Variants in DLD observed in about 807,000 individuals in gnomAD.
DLD encodes the protein dihydrolipoamide dehydrogenase.
DLD carries 36 observed loss-of-function variants against 62.2 expected under a neutral mutation model. That is an observed-to-expected ratio of 0.58 (90% CI 0.44 to 0.76). DLD has a LOEUF of 0.76. DLD is among the 30% of genes least tolerant of loss of function. The probability of loss-of-function intolerance (pLI) is 0.00; values close to 1 mark genes in which losing one functional copy is unlikely to be tolerated. For synonymous variants in DLD, 204 were observed against 199.6 expected, an observed-to-expected ratio of 1.02 and a Z score of -0.19; for missense variants, 541 against 608.6, an observed-to-expected ratio of 0.89 and a Z score of 1.17.
At position 107,915,517 on chromosome 7, in the gene DLD, G is replaced by A; in HGVS notation, c.696G>A (p.Trp232Ter). The A allele has an allele frequency of 6.2e-7, 1 of 1,613,742 alleles. No individual in the cohort carries two copies. The highest frequency in any genetic ancestry group is 8.5e-7 in the Non-Finnish European group (1 of 1,179,852). ...TAATTTATTTGCAGGGTTCAGTTTG[G>A]CAAAGACTTGGTGCAGATGTGACAG... ...GVIGVELGSV[W>*]QRLGADVTAV... The change falls in exon 9 of 14, where the codon TGG becomes TGA. Residue 232 changes from tryptophan to a stop codon, truncating the protein, a stop_gained. Coordinates refer to ENST00000205402, the MANE Select transcript of DLD (RefSeq NM_000108.5). LOFTEE classifies it high-confidence loss of function.
At chr7:107,895,500 A>T (rs1005717377) in intron 2 of DLD, among the ~76,000 whole-genome samples, 2 of 152,192 alleles carry the variant, frequency 1.3e-5, no homozygotes, top group African/African-American at 4.8e-5. Flanking sequence ...TACAGCACTT[A>T]TATCACTCAC....
Position 107,903,539 on chromosome 7 carries a change from G to T in DLD, c.329G>T (p.Gly110Val). 2 of 1,586,582 alleles carry T rather than the reference G, an allele frequency of 1.3e-6. No homozygotes were observed. The highest frequency in any genetic ancestry group is 1.7e-6 in the Non-Finnish European group (2 of 1,155,934). ...CATGGAAAAGATTTTGCATCTAGAGGAATTGAAAGTAAGTATACTTTTCAT... is the reference window on the plus strand; with the variant it reads ...CATGGAAAAGATTTTGCATCTAGAGTAATTGAAAGTAAGTATACTTTTCAT... ...MAHGKDFASR[G>V]IEMSEVRLNL... Residue 110 changes from glycine to valine, a missense_variant, in exon 5 of 14, where the codon GGA becomes GTA. By Grantham distance (109) the Gly-to-Val change is moderately radical. Coordinates refer to ENST00000205402, the MANE Select transcript of DLD (RefSeq NM_000108.5).
chr7:107,900,396 C>A (rs767757559), intron 2 of DLD, among the ~76,000 whole-genome samples: 1 of 152,030 alleles, frequency 6.6e-6, no homozygotes, highest in Non-Finnish European at 1.5e-5. Flanking sequence ...ATTATGTATG[C>A]TATAGGTACT....
rs112887417 is a variant in DLD at position 107,907,527 on chromosome 7, C to G, written c.684+1159C>G. ...AGTTGATGTCCTAAATTTGATAATG[C>G]TTTTACCTGTTGTTACACCTATCCT... On this transcript the variant is annotated intron_variant, in intron 8 of 13. Transcript: ENST00000205402. Among the ~76,000 whole-genome samples, 680 of 152,266 alleles carry G rather than the reference C, an allele frequency of 4.5e-3. 3 individuals carry two copies. The highest frequency in any genetic ancestry group is 0.019 in the South Asian group (92 of 4,820).
chr7:107,891,923 T>C (rs1027486827), intron 1 of DLD, among the ~76,000 whole-genome samples: 3 of 152,194 alleles, frequency 2.0e-5, no homozygotes, highest in Non-Finnish European at 2.9e-5. Flanking sequence ...TACAGCCAAA[T>C]TGTGTGTATG....
chr7:107,900,343 C>T (rs1260498244), intron 2 of DLD, among the ~76,000 whole-genome samples: 2 of 151,964 alleles, frequency 1.3e-5, no homozygotes, highest in Non-Finnish European at 2.9e-5. Flanking sequence ...TTAAAATAGT[C>T]TTCTTTGTAG....
intron 8 of DLD, among the ~76,000 whole-genome samples, chr7:107,907,003 G>C (rs146974779): frequency 3.6e-4 from 55 of 152,256 alleles, no homozygotes; most frequent in African/African-American, 1.2e-3. Flanking sequence ...CTTTTACTCA[G>C]TTATTCATAG....
upstream of DLD, chr7:107,891,125 C>G (rs1259793991): frequency 7.9e-7 from 1 of 1,258,190 alleles, no homozygotes; most frequent in Non-Finnish European, 1.1e-6. Flanking sequence ...GCGGGCCAAT[C>G]GCGCTGCTCC....
At chr7:107,897,937 T>C (rs903408779) in intron 2 of DLD, among the ~76,000 whole-genome samples, 3 of 152,222 alleles carry the variant, frequency 2.0e-5, no homozygotes, top group African/African-American at 7.2e-5. Context: ...ATTTCAGTGG[T>C]AGCCTGGATA....
intron 8 of DLD, among the ~76,000 whole-genome samples, chr7:107,910,244 T>A (rs1367882360): frequency 6.6e-6 from 1 of 152,216 alleles, no homozygotes; most frequent in African/African-American, 2.4e-5. Flanking sequence ...TTCTACTTTG[T>A]TCTCATAGTT....
intron 8 of DLD, among the ~76,000 whole-genome samples, chr7:107,911,060 T>C (rs2032128256): frequency 6.6e-6 from 1 of 152,194 alleles, no homozygotes; most frequent in African/African-American, 2.4e-5. Flanking sequence ...TTTAGTATAT[T>C]CATAGAGTTG....
At chr7:107,897,556 G>A (rs1040345533) in intron 2 of DLD, among the ~76,000 whole-genome samples, 1 of 150,270 alleles carries the variant, frequency 6.7e-6, no homozygotes, top group East Asian at 1.9e-4. Flanking sequence ...CCAAGTGGTA[G>A]GTATTATTGT....
chr7:107,891,734 T>C, intron 1 of DLD: 1 of 252,286 alleles, frequency 4.0e-6, no homozygotes, highest in South Asian at 4.2e-5. Flanking sequence ...GGGTCACTTC[T>C]TGAATGGTTT....
chr7:107,915,247 G>C (rs560033535), intron 8 of DLD, among the ~76,000 whole-genome samples: 3 of 152,082 alleles, frequency 2.0e-5, no homozygotes, highest in Non-Finnish European at 4.4e-5. Flanking sequence ...AGAGATTTTT[G>C]CTTTGTTTAC....
intron 10 of DLD, 126 bp downstream of exon 10, chr7:107,917,090 T>C (rs917884484): frequency 5.7e-6 from 7 of 1,222,768 alleles, no homozygotes; most frequent in Non-Finnish European, 8.1e-6. Context: ...ACTTACAAAA[T>C]GTAAAATAAA....
At chr7:107,904,446 G>C (rs1042588260) in intron 5 of DLD, among the ~76,000 whole-genome samples, 2 of 152,116 alleles carry the variant, frequency 1.3e-5, no homozygotes, top group Admixed American at 1.3e-4. Context: ...TAATTGAGTT[G>C]AGCATTTTTA....
chr7:107,891,353 C>A, intron 1 of DLD, 64 bp downstream of exon 1: 2 of 1,585,368 alleles, frequency 1.3e-6, no homozygotes, highest in Non-Finnish European at 1.7e-6. Flanking sequence ...TCAGTGGGTC[C>A]GGTACGCGGC....
chr7:107,912,756 C>G (rs1323268603), intron 8 of DLD, among the ~76,000 whole-genome samples: 2 of 152,002 alleles, frequency 1.3e-5, no homozygotes, highest in Non-Finnish European at 1.5e-5. Flanking sequence ...TGTGGGTTGT[C>G]TCTTTGTGGA....
intron 8 of DLD, among the ~76,000 whole-genome samples, chr7:107,911,336 G>A (rs2032134374): frequency 6.6e-6 from 1 of 152,018 alleles, no homozygotes; most frequent in Non-Finnish European, 1.5e-5. Flanking sequence ...TCTTTATCTG[G>A]CTAAATATCT....
Sources: allele counts gnomAD v4.1 joint callset (sites outside exome capture counted in the v4.1 genomes callset), GRCh38; gene constraint gnomAD v4.1.1; transcripts MANE v1.5; gene names NCBI Gene and HGNC (gene_info 2026-07-23, HGNC 2026-07-21).